Variants in TDRD3 observed in about 807,000 individuals in gnomAD.
TDRD3 encodes the protein tudor domain containing 3.
A neutral mutation model predicts 86.7 loss-of-function variants in TDRD3; 45 were observed. That is an observed-to-expected ratio of 0.52 (90% CI 0.41 to 0.67). The LOEUF (loss-of-function observed/expected upper bound fraction) is 0.67, where lower values mean the gene tolerates loss of function less well. Among genes scored for constraint, TDRD3 ranks in the 30% least tolerant of loss-of-function variants. The pLI is 0.00. For synonymous variants in TDRD3, 298 were observed against 301.7 expected (o/e 0.99, Z 0.13); for missense variants, 814 against 889.0 (o/e 0.92, Z 1.07).
chr13:60,470,652 C>T (rs576657693), intron 5 of TDRD3, among the ~76,000 whole-genome samples: 27 of 136,732 alleles, frequency 2.0e-4, no homozygotes, highest in Admixed American at 1.1e-3. Flanking sequence ...GGCACGATTT[C>T]GGCTTACTGC....
chr13:60,414,571 C>T (rs1168378617), intron 1 of TDRD3, among the ~76,000 whole-genome samples: 1 of 152,020 alleles, frequency 6.6e-6, no homozygotes, highest in Non-Finnish European at 1.5e-5. Context: ...CTATTGGTAC[C>T]AGAATTTGTC....
At chr13:60,440,405 G>C (rs578119779) in intron 2 of TDRD3, among the ~76,000 whole-genome samples, 1 of 152,030 alleles carries the variant, frequency 6.6e-6, no homozygotes, top group African/African-American at 2.4e-5. Context: ...TAAACAGGCT[G>C]GGCATGGTGG....
chr13:60,453,901 G>T (rs996657015), intron 3 of TDRD3, among the ~76,000 whole-genome samples: 10 of 150,472 alleles, frequency 6.6e-5, no homozygotes, highest in African/African-American at 2.0e-4. Flanking sequence ...CAACTCATTA[G>T]TTTTTTTTGT....
rs200705692 is a variant in TDRD3, at chr13:60,404,702, TC to T, written c.41+7298del. 7.4e-3 allele frequency among the ~76,000 whole-genome samples: 1,134 copies of T among 152,294 alleles called. 15 individuals are homozygous for T. Among genetic ancestry groups the T allele is most frequent in the African/African-American group, 0.026 (1,080 of 41,558 alleles). ...TCACTGTAACCTCCACCTCCCAGGT[TC>T]AAGAGATTCTTCTGCCTCAGCCTCC... On this transcript the variant is annotated intron_variant, in intron 1 of 13. Coordinates refer to ENST00000377881, the MANE Select transcript of TDRD3 (RefSeq NM_001146070.2).
intron 12 of TDRD3, among the ~76,000 whole-genome samples, chr13:60,544,499 G>A (rs1957892745): frequency 6.6e-6 from 1 of 150,876 alleles, no homozygotes; most frequent in African/African-American, 2.4e-5. Flanking sequence ...GTCAAAACTA[G>A]TAAATTCCAT....
intron 1 of TDRD3, among the ~76,000 whole-genome samples, chr13:60,424,056 C>T (rs889713054): frequency 1.3e-5 from 2 of 151,980 alleles, no homozygotes; most frequent in African/African-American, 2.4e-5. Flanking sequence ...GAGTCTTACT[C>T]TGTCGCCCAG....
intron 4 of TDRD3, among the ~76,000 whole-genome samples, chr13:60,466,787 C>T (rs1955944286): frequency 6.8e-6 from 1 of 146,236 alleles, no homozygotes; most frequent in Non-Finnish European, 1.5e-5. Flanking sequence ...GACGGAGGCT[C>T]TGTCTTTTAA....
At chr13:60,452,028 A>G (rs1415467863) in intron 3 of TDRD3, among the ~76,000 whole-genome samples, 5 of 152,120 alleles carry the variant, frequency 3.3e-5, no homozygotes, top group Admixed American at 6.5e-5. Context: ...GACACATAGC[A>G]TTTGCCACTT....
intron 12 of TDRD3, chr13:60,537,847 G>C (rs1957732065): frequency 6.6e-6 from 1 of 151,904 alleles, no homozygotes; most frequent in Non-Finnish European, 1.5e-5. Flanking sequence ...GAAAACTCTT[G>C]TTTTCCTAAA....
intron 12 of TDRD3, among the ~76,000 whole-genome samples, chr13:60,565,124 G>C (rs374845881): frequency 8.5e-5 from 11 of 129,682 alleles, no homozygotes; most frequent in African/African-American, 2.4e-4. Flanking sequence ...GGCACTGTCT[G>C]GGCTCACTGC....
intron 12 of TDRD3, among the ~76,000 whole-genome samples, chr13:60,544,022 C>T (rs1251354769): frequency 6.7e-6 from 1 of 150,374 alleles, no homozygotes; most frequent in East Asian, 1.9e-4. Flanking sequence ...TATGTCCCAG[C>T]AGTGAGGTAT....
chr13:60,545,148 G>A (rs767112251), intron 12 of TDRD3, among the ~76,000 whole-genome samples: 8 of 152,110 alleles, frequency 5.3e-5, no homozygotes, highest in Non-Finnish European at 8.8e-5. Flanking sequence ...GAAGTAGAAG[G>A]TATGTTTTCT....
At chr13:60,500,066 A>C (rs1184299220) in intron 8 of TDRD3, among the ~76,000 whole-genome samples, 4 of 152,216 alleles carry the variant, frequency 2.6e-5, no homozygotes, top group Non-Finnish European at 4.4e-5. Flanking sequence ...TCACAGCAGA[A>C]GCCTCTAGGA....
chr13:60,554,167 T>C (rs1420906098), intron 12 of TDRD3, among the ~76,000 whole-genome samples: 4 of 152,196 alleles, frequency 2.6e-5, no homozygotes, highest in South Asian at 2.1e-4. Flanking sequence ...TGCTTGACAT[T>C]GACAGGATTC....
chr13:60,524,181 C>T (rs1225389013), intron 10 of TDRD3, among the ~76,000 whole-genome samples: 1 of 151,962 alleles, frequency 6.6e-6, no homozygotes, highest in Non-Finnish European at 1.5e-5. Context: ...GCTGCCTTTT[C>T]AGTTGATTTG....
At chr13:60,508,436 A>G (rs988623352) in intron 8 of TDRD3, among the ~76,000 whole-genome samples, 1 of 152,202 alleles carries the variant, frequency 6.6e-6, no homozygotes, top group Non-Finnish European at 1.5e-5. Flanking sequence ...GACCAATGGA[A>G]CAGAACAGAC....
chr13:60,500,828 A>G (rs1956814678), intron 8 of TDRD3, among the ~76,000 whole-genome samples: 1 of 152,212 alleles, frequency 6.6e-6, no homozygotes, highest in Non-Finnish European at 1.5e-5. Context: ...GTGCTAATCA[A>G]TGGGTGACCT....
intron 12 of TDRD3, among the ~76,000 whole-genome samples, chr13:60,560,041 A>G (rs1415268350): frequency 1.3e-5 from 2 of 152,214 alleles, no homozygotes; most frequent in Non-Finnish European, 2.9e-5. Flanking sequence ...CTATACCTCA[A>G]TAAAGCAGAA....
chr13:60,441,653 G>A (rs1168984692), intron 2 of TDRD3, among the ~76,000 whole-genome samples: 2 of 152,042 alleles, frequency 1.3e-5, no homozygotes, highest in African/African-American at 4.8e-5. Flanking sequence ...AGAAAGACGT[G>A]TATTATTGAT....
Sources: gnomAD v4.1 joint callset for allele counts (sites outside exome capture counted in the v4.1 genomes callset) on GRCh38, gnomAD v4.1.1 for gene constraint, MANE v1.5 for transcripts, NCBI Gene and HGNC (gene_info 2026-07-23, HGNC 2026-07-21) for gene names.